Variants in BSDC1 observed in about 807,000 individuals in gnomAD.
BSDC1 encodes BSD domain containing 1.
In BSDC1, 29 loss-of-function variants were observed where a neutral mutation model predicts 56.0. The ratio of observed to expected loss-of-function variants is 0.52; its 90% CI spans 0.39 to 0.71. BSDC1 has a LOEUF of 0.71. Among genes scored for constraint, BSDC1 ranks in the 30% least tolerant of loss-of-function variants. The probability of loss-of-function intolerance (pLI) is 0.00; values close to 1 mark genes in which losing one functional copy is unlikely to be tolerated. For missense variants in BSDC1, 477 were observed against 548.5 expected, an observed-to-expected ratio of 0.87 and a Z score of 1.30; for synonymous variants, 210 against 215.3, an observed-to-expected ratio of 0.98 and a Z score of 0.21.
Position 32,378,774 on chromosome 1 carries a change from A to G in BSDC1, c.478T>C (p.Ser160Pro). 6.4e-7 allele frequency: 1 copy of G among 1,554,064 alleles called. No homozygotes were observed. Among genetic ancestry groups the G allele is most frequent in the Non-Finnish European group, 8.7e-7 (1 of 1,148,514 alleles). The change falls in exon 6 of 11, where the codon TCA (serine) becomes CCA (proline). Residue 160 changes from serine (S) to proline (P), a missense_variant. Ser to Pro is a moderately conservative substitution (Grantham distance 74, BLOSUM62 -1). Transcript: ENST00000455895. The surrounding 1 kb of genome is among the most constrained non-coding windows in gnomAD (Gnocchi z 5.2). ...FCLEEKKGEISELLVGSPSIR... is the reference protein window; with the variant it reads ...FCLEEKKGEIPELLVGSPSIR... ...GAGGGGCTGCCTACAAGGAGCTCTG[A>G]GATCTCCCCCTTCTTCTCCTCCAAG...
At chr1:32,385,345 T>C (rs1264298825) in intron 3 of BSDC1, among the ~76,000 whole-genome samples, 2 of 152,290 alleles carry the variant, frequency 1.3e-5, no homozygotes, top group Non-Finnish European at 2.9e-5. Context: ...TAGTCGGTGA[T>C]GGGTTCATTA....
chr1:32,379,947 G>A (rs1383231023), intron 5 of BSDC1, among the ~76,000 whole-genome samples: 1 of 152,068 alleles, frequency 6.6e-6, no homozygotes, highest in Non-Finnish European at 1.5e-5. Flanking sequence ...GATCACCCCA[G>A]GCCTCAAAAC....
chr1:32,371,303 CTTT>C (rs963070889), intron 9 of BSDC1, among the ~76,000 whole-genome samples: 5 of 117,824 alleles, frequency 4.2e-5, no homozygotes, highest in Admixed American at 8.7e-5. Context: ...ACTTTGTAAT[CTTT>C]TTTTTTTTTT....
At chr1:32,371,504 G>A (rs2148112798) in intron 9 of BSDC1, among the ~76,000 whole-genome samples, 1 of 151,816 alleles carries the variant, frequency 6.6e-6, no homozygotes. Flanking sequence ...TAGAGATGGG[G>A]TTTCACCGTG....
intron 10 of BSDC1, 172 bp downstream of exon 10, chr1:32,368,275 G>C (rs545921418): frequency 2.6e-6 from 4 of 1,549,212 alleles, no homozygotes; most frequent in African/African-American, 2.7e-5. Context: ...AGTGCAGCCT[G>C]CTGATGACCA....
chr1:32,367,382 C>G, intron 10 of BSDC1: 10 of 985,466 alleles, frequency 1.0e-5, no homozygotes, highest in Non-Finnish European at 1.1e-5. Flanking sequence ...TATGGGCTTT[C>G]TCTGTCCTGG....
intron 4 of BSDC1, 101 bp downstream of exon 4, chr1:32,383,729 T>A (rs1642567112): frequency 1.1e-6 from 1 of 949,930 alleles, no homozygotes; most frequent in African/African-American, 1.6e-5. Context: ...CCCATATTTA[T>A]TTTTTGGCCT....
Position 32,376,627 on chromosome 1 carries a change from A to G in BSDC1, c.791T>C (p.Leu264Pro). 6.9e-7 allele frequency: 1 copy of G among 1,450,666 alleles called. No homozygotes were observed. The allele number at this position is 1,450,666 out of a possible 1,614,324, so 89.9% of individuals were successfully genotyped here. A position where few individuals can be genotyped will look rare whatever the true frequency, so the allele number is the denominator to read the frequency against. The change falls in exon 9 of 11, where the codon CTG (leucine) becomes CCG (proline). Residue 264 changes from leucine to proline, a missense_variant. By Grantham distance (98) the Leu-to-Pro change is moderately conservative. Coordinates refer to ENST00000455895, the MANE Select transcript of BSDC1 (RefSeq NM_018045.8). ...TGCTGGGGGCTCAACTGAAGTCACCAGATTCTCTTCACAGGGGCTCTGGGG... is the reference window on the plus strand; with the variant it reads ...TGCTGGGGGCTCAACTGAAGTCACCGGATTCTCTTCACAGGGGCTCTGGGG... ...PGPQSPCEEN[L>P]VTSVEPPAEV...
intron 4 of BSDC1, 138 bp downstream of exon 4, chr1:32,383,692 A>T: frequency 1.5e-6 from 1 of 673,858 alleles, no homozygotes; most frequent in Non-Finnish European, 2.5e-6. Context: ...GCTTACTGGT[A>T]TTTTCTGATT....
intron 9 of BSDC1, among the ~76,000 whole-genome samples, chr1:32,369,815 CAG>C (rs1642004803): frequency 1.3e-5 from 2 of 152,288 alleles, no homozygotes; most frequent in South Asian, 2.1e-4. Context: ...TTTTCTGAGA[CAG>C]AGTCTCGCTC....
chr1:32,368,032 CTTTTT>C lies in BSDC1; in HGVS notation c.1260+410_1260+414del, dbSNP rs74259836. 3 of 1,026,172 alleles carry C rather than the reference CTTTTT, an allele frequency of 2.9e-6. No individual in the cohort carries two copies. The African/African-American group carries it at 5.4e-5, about 18-fold the overall frequency. The allele number at this position is 1,026,172 out of a possible 1,614,324, so 63.6% of individuals were successfully genotyped here. A position where few individuals can be genotyped will look rare whatever the true frequency, so the allele number is the denominator to read the frequency against. On this transcript the variant is annotated intron_variant, in intron 10 of 10. Transcript: ENST00000455895. ...GGTTTGATGTCTGTTTTCTTTTTTCCTTTTTTTTTTTTTTTCAAAAACAGAAATGG... is the reference window on the plus strand; with the variant it reads ...GGTTTGATGTCTGTTTTCTTTTTTCCTTTTTTTTTTCAAAAACAGAAATGG...
At chr1:32,380,325 C>G (rs1642437777) in intron 5 of BSDC1, among the ~76,000 whole-genome samples, 1 of 152,210 alleles carries the variant, frequency 6.6e-6, no homozygotes, top group Admixed American at 6.5e-5. Context: ...CATAGTGAAA[C>G]TAGCTGATTT....
intron 10 of BSDC1, chr1:32,366,903 C>T: frequency 1.6e-6 from 2 of 1,232,394 alleles, no homozygotes; most frequent in Non-Finnish European, 1.0e-6. Context: ...CCCCAACCAA[C>T]ACCAGACACC....
chr1:32,390,917 A>C (rs1642844731), intron 2 of BSDC1, among the ~76,000 whole-genome samples: 1 of 152,010 alleles, frequency 6.6e-6, no homozygotes, highest in African/African-American at 2.4e-5. Flanking sequence ...TCTCAAAACA[A>C]AGCAAAACAC....
At chr1:32,375,561 A>G (rs1403216484) in intron 9 of BSDC1, among the ~76,000 whole-genome samples, 1 of 152,260 alleles carries the variant, frequency 6.6e-6, no homozygotes, top group Non-Finnish European at 1.5e-5. Context: ...GCTCTTTGAC[A>G]TAAACTCAGA....
chr1:32,386,867 C>A lies in BSDC1; in HGVS notation c.101G>T (p.Arg34Leu). Residue 34 changes from arginine to leucine, a missense_variant, in exon 3 of 11, where the codon CGG (arginine) becomes CTG (leucine). Physicochemically the swap from Arg to Leu is moderately radical, Grantham distance 102. Transcript: ENST00000455895. The stretch of plus-strand genomic sequence containing the variant: ...CACCTGGGTAAACTCCGTCAGGTCC[C>A]GCTTCATAAACTCCAAGGCTTCAGA... Reference protein sequence around the residue: ...KSSEALEFMKRDLTEFTQVVQ... With the variant: ...KSSEALEFMKLDLTEFTQVVQ... 1 of 1,612,236 alleles carries A rather than the reference C, an allele frequency of 6.2e-7. No individual in the cohort carries two copies. Among genetic ancestry groups the A allele is most frequent in the Non-Finnish European group, 8.5e-7 (1 of 1,180,008 alleles).
At chr1:32,381,082 A>G in intron 5 of BSDC1, 132 bp downstream of exon 5, 1 of 795,238 alleles carries the variant, frequency 1.3e-6, no homozygotes, top group Non-Finnish European at 2.1e-6. Context: ...TATAAGGTAC[A>G]CACTAGTCTC....
At chr1:32,382,439 G>A (rs181775311) in intron 4 of BSDC1, among the ~76,000 whole-genome samples, 90 of 151,596 alleles carry the variant, frequency 5.9e-4, no homozygotes, top group African/African-American at 2.1e-3. Context: ...ACTCCAGCCT[G>A]GGGGACAGAG....
rs756792332 is a variant in BSDC1, at chr1:32,387,310, G to A, written c.73-415C>T. 1.4e-3 allele frequency among the ~76,000 whole-genome samples: 212 copies of A among 151,368 alleles called. 1 individual carries two copies. The highest frequency in any genetic ancestry group is 3.4e-3 in the Middle Eastern group (1 of 290). ...CTTTAAATCACGATATTCATACCAA[G>A]TTTCAAATAACATGAAAAAAAGGTA... is the stretch of plus-strand genomic sequence containing the variant. On this transcript the variant is annotated intron_variant, in intron 2 of 10. Coordinates refer to ENST00000455895, the MANE Select transcript of BSDC1 (RefSeq NM_018045.8).
Sources: gnomAD v4.1 joint callset for allele counts (sites outside exome capture counted in the v4.1 genomes callset) on GRCh38, gnomAD v4.1.1 for gene constraint, Gnocchi (gnomAD v3.1) non-coding constraint, MANE v1.5 for transcripts, NCBI Gene and HGNC (gene_info 2026-07-23, HGNC 2026-07-21) for gene names.